Variants in ARFGEF2 observed in about 807,000 individuals in gnomAD.
ARFGEF2 encodes brefeldin A-inhibited guanine nucleotide-exchange protein 2.
In ARFGEF2, 74 loss-of-function variants were observed where a neutral mutation model predicts 219.9. That is an observed-to-expected ratio of 0.34 (90% CI 0.28 to 0.41). The LOEUF (loss-of-function observed/expected upper bound fraction) is 0.41. Ranked by LOEUF, ARFGEF2 falls within the 10% of genes least tolerant of loss-of-function variation. The pLI, the probability that ARFGEF2 is intolerant of heterozygous loss-of-function variation, is 1.00. For synonymous variants in ARFGEF2, 733 were observed against 799.2 expected (o/e 0.92, Z 1.40); for missense variants, 1,743 against 2,218.3 (o/e 0.79, Z 4.30).
chr20:49,006,713 T>C (rs927085413), intron 26 of ARFGEF2, among the ~76,000 whole-genome samples: 4 of 152,112 alleles, frequency 2.6e-5, no homozygotes, highest in Non-Finnish European at 5.9e-5. Context: ...CAGGTAGTGC[T>C]TGGCATAGGT....
At chr20:48,980,315 G>C (rs2123440601) in intron 14 of ARFGEF2, among the ~76,000 whole-genome samples, 1 of 152,300 alleles carries the variant, frequency 6.6e-6, no homozygotes, top group Non-Finnish European at 1.5e-5. Context: ...TTAATCCTGA[G>C]TTCTAATTTG....
intron 1 of ARFGEF2, among the ~76,000 whole-genome samples, chr20:48,933,113 C>A (rs543477097): frequency 7.9e-5 from 12 of 152,308 alleles, no homozygotes; most frequent in African/African-American, 2.9e-4. Context: ...GGATTTCCCG[C>A]AAAGACAGCG....
rs138656158 is a variant in ARFGEF2 at position 48,950,243 on chromosome 20, A to T, written c.277-1080A>T. 1.9e-3 allele frequency among the ~76,000 whole-genome samples: 293 copies of T among 152,238 alleles called. 1 individual carries two copies. The highest frequency in any genetic ancestry group is 6.7e-3 in the African/African-American group (280 of 41,550). The stretch of plus-strand genomic sequence containing the variant: ...ACACTACTATTGATGTAGGTGTGAA[A>T]TGCAGATGAAGTTTTTACATTAATT... On this transcript the variant is annotated intron_variant, in intron 3 of 38. Coordinates refer to ENST00000371917, the MANE Select transcript of ARFGEF2 (RefSeq NM_006420.3).
chr20:48,991,850 G>A (rs968739111), intron 21 of ARFGEF2, among the ~76,000 whole-genome samples: 35 of 152,236 alleles, frequency 2.3e-4, no homozygotes, highest in African/African-American at 6.0e-4. Flanking sequence ...AAAAAAGACA[G>A]GCAGATAGTA....
At chr20:49,015,298 G>T (rs1473786980) in intron 30 of ARFGEF2, among the ~76,000 whole-genome samples, 1 of 152,070 alleles carries the variant, frequency 6.6e-6, no homozygotes, top group Non-Finnish European at 1.5e-5. Context: ...AATTTAAATA[G>T]AGACAAGATC....
intron 6 of ARFGEF2, among the ~76,000 whole-genome samples, chr20:48,956,330 T>G (rs1360642176): frequency 6.6e-6 from 1 of 152,202 alleles, no homozygotes; most frequent in Non-Finnish European, 1.5e-5. Context: ...TAGGATAATT[T>G]GCCTCCCATG....
intron 2 of ARFGEF2, 26 bp from the exon 3 acceptor site, chr20:48,941,838 C>T: frequency 1.2e-6 from 2 of 1,614,096 alleles, no homozygotes; most frequent in Non-Finnish European, 1.7e-6. Flanking sequence ...ATTTCTTCTC[C>T]CGACCCTCTC....
At position 48,927,709 on chromosome 20, in the gene ARFGEF2, T is replaced by A. The variant is rs528070317; in HGVS notation, c.121+5699T>A. Among the ~76,000 whole-genome samples the A allele has an allele frequency of 4.7e-4, 71 of 151,662 alleles. 1 individual carries two copies. Among genetic ancestry groups the A allele is most frequent in the South Asian group, 4.6e-3 (22 of 4,806 alleles). On this transcript the variant is annotated intron_variant, in intron 1 of 38. Coordinates refer to ENST00000371917, the MANE Select transcript of ARFGEF2 (RefSeq NM_006420.3). ...TCTCAAAAAAAAAAAAATTAAAAAATAAATAAATAAATTGACATAACAAGA... is the reference window on the plus strand; with the variant it reads ...TCTCAAAAAAAAAAAAATTAAAAAAAAAATAAATAAATTGACATAACAAGA...
At position 48,953,637 on chromosome 20, in the gene ARFGEF2, A is replaced by G. The variant is rs780440668; in HGVS notation, c.685A>G (p.Lys229Glu). Residue 229 changes from lysine to glutamate, a missense_variant, in exon 6 of 39, where the codon AAG (lysine) becomes GAG (glutamate). By Grantham distance (56) the Lys-to-Glu change is moderately conservative (BLOSUM62 1). Around this residue, in one of 5 missense-constraint regions of ARFGEF2, gnomAD observed 394 missense variants for 426.6 expected, o/e 0.92. Transcript: ENST00000371917. ...PVIQAAAVSPKFVRLKHSQAQ... is the reference protein window; with the variant it reads ...PVIQAAAVSPEFVRLKHSQAQ... The stretch of plus-strand genomic sequence containing the variant: ...GATCCAAGCTGCAGCAGTATCCCCA[A>G]AGTTCGTTCGTTTGAAGCACAGTCA... 1.9e-6 allele frequency: 3 copies of G among 1,614,082 alleles called. No individual in the cohort carries two copies. The highest frequency in any genetic ancestry group is 1.1e-5 in the South Asian group (1 of 91,080).
intron 25 of ARFGEF2, 105 bp downstream of exon 25, chr20:48,998,610 C>T: frequency 8.5e-7 from 1 of 1,171,222 alleles, no homozygotes; most frequent in Non-Finnish European, 1.2e-6. Flanking sequence ...TTTTAGATGC[C>T]TCTAATTCAT....
intron 21 of ARFGEF2, among the ~76,000 whole-genome samples, chr20:48,993,147 T>C (rs187197139): frequency 4.6e-5 from 7 of 152,346 alleles, no homozygotes; most frequent in African/African-American, 1.7e-4. Flanking sequence ...GAATAGTTGC[T>C]TTTTCTTCTA....
At chr20:48,926,035 A>G (rs1343364864) in intron 1 of ARFGEF2, among the ~76,000 whole-genome samples, 1 of 152,200 alleles carries the variant, frequency 6.6e-6, no homozygotes, top group Non-Finnish European at 1.5e-5. Flanking sequence ...TGGGCTTTTC[A>G]TGCAATTTAG....
intron 12 of ARFGEF2, among the ~76,000 whole-genome samples, 178 bp downstream of exon 12, chr20:48,973,462 T>C (rs2091241004): frequency 6.6e-6 from 1 of 152,106 alleles, no homozygotes; most frequent in African/African-American, 2.4e-5. Flanking sequence ...CAGATGATCA[T>C]AGGGGCTGCA....
rs1273161413 is a variant in ARFGEF2 at position 48,921,827 on chromosome 20, T to TAGCTCGCCATCTCGCTCACGCCGCCC, written c.-62_-37dup. 4.9e-6 allele frequency: 7 copies of TAGCTCGCCATCTCGCTCACGCCGCCC among 1,429,016 alleles called. No individual in the cohort carries two copies. In the African/African-American group the frequency reaches 1.1e-4, roughly 22 times the overall value. The allele number at this position is 1,429,016 out of a possible 1,614,324, so 88.5% of individuals were successfully genotyped here. A position where few individuals can be genotyped will look rare whatever the true frequency, so the allele number is the denominator to read the frequency against. ...CGGCCGGGACGCCGGGCCCGCAGCC[T>TAGCTCGCCATCTCGCTCACGCCGCCC]AGCTCGCCATCTCGCTCACGCCGCC... On this transcript the variant is annotated 5_prime_UTR_variant, in exon 1 of 39. Coordinates refer to ENST00000371917, the MANE Select transcript of ARFGEF2 (RefSeq NM_006420.3).
At chr20:48,924,642 T>TGAAATGC (rs1171594194) in intron 1 of ARFGEF2, among the ~76,000 whole-genome samples, 4 of 152,152 alleles carry the variant, frequency 2.6e-5, no homozygotes, top group Non-Finnish European at 5.9e-5. Flanking sequence ...GGCTCAAAGT[T>TGAAATGC]GAAATGCTTG....
At position 48,941,105 on chromosome 20, in the gene ARFGEF2, A is replaced by G. The variant is rs367751894; in HGVS notation, c.122-94A>G. On this transcript the variant is annotated intron_variant, in intron 1 of 38. Transcript: ENST00000371917. ...TTTGTATTTAAACATCTCGTTAACA[A>G]TCTTTTCAGTGGTCTCCAAATATCT... The G allele has an allele frequency of 2.5e-4, 288 of 1,158,892 alleles. 1 individual carries two copies. The highest frequency in any genetic ancestry group is 7.6e-4 in the South Asian group (57 of 75,332). The allele number at this position is 1,158,892 out of a possible 1,614,324, so 71.8% of individuals were successfully genotyped here.
In ARFGEF2 at chr20:48,997,124, C is replaced by G. The variant is rs145936690; in HGVS notation, c.3222-1069C>G. ...CTTTTTCAACTCATGTATGTTGCCT[C>G]TATTGTTAAGTGCATATAATGTCGT... On this transcript the variant is annotated intron_variant, in intron 23 of 38. Coordinates refer to ENST00000371917, the MANE Select transcript of ARFGEF2 (RefSeq NM_006420.3). Among the ~76,000 whole-genome samples, 142 of 152,196 alleles carry G rather than the reference C, an allele frequency of 9.3e-4. 1 individual carries two copies. Among genetic ancestry groups the G allele is most frequent in the African/African-American group, 3.4e-3 (142 of 41,506 alleles).
At chr20:48,968,426 C>CT (rs1030076011) in intron 8 of ARFGEF2, among the ~76,000 whole-genome samples, 56 of 142,876 alleles carry the variant, frequency 3.9e-4, no homozygotes, top group South Asian at 6.7e-4. Flanking sequence ...CTTTTTTTTA[C>CT]TTTTTTTTTT....
intron 14 of ARFGEF2, among the ~76,000 whole-genome samples, chr20:48,980,526 G>A (rs1340734844): frequency 6.6e-6 from 1 of 152,050 alleles, no homozygotes; most frequent in East Asian, 1.9e-4. Flanking sequence ...AGTTCAAGTT[G>A]TGGATATCCT....
Sources: gnomAD v4.1 joint callset for allele counts (sites outside exome capture counted in the v4.1 genomes callset) on GRCh38, gnomAD v4.1.1 for gene constraint, gnomAD v4.1.1 regional missense constraint, MANE v1.5 for transcripts, NCBI Gene and HGNC (gene_info 2026-07-23, HGNC 2026-07-21) for gene names.